RUNX1: variants seen among roughly 807,000 people sequenced by gnomAD.
The protein encoded by RUNX1 is RUNX family transcription factor 1.
A neutral mutation model predicts 42.8 loss-of-function variants in RUNX1; 19 were observed. The ratio of observed to expected loss-of-function variants is 0.44; its 90% CI spans 0.31 to 0.65. The LOEUF (loss-of-function observed/expected upper bound fraction) is 0.65. Ranked by LOEUF, RUNX1 falls within the 30% of genes least tolerant of loss-of-function variation. RUNX1 has a pLI of 0.07. For missense variants in RUNX1, 528 were observed against 672.0 expected (o/e 0.79, Z 2.37); for synonymous variants, 271 against 289.4 (o/e 0.94, Z 0.64).
intron 2 of RUNX1, among the ~76,000 whole-genome samples, chr21:34,939,725 A>G (rs1892687): frequency 0.58 from 88,576 of 152,116 alleles, 26,634 homozygotes; most frequent in African/African-American, 0.74. Flanking sequence ...AATAGCTTGT[A>G]GAAGCTGTTG....
rs566315020 is a variant in RUNX1 at position 34,987,219 on chromosome 21, C to T, written c.58+61623G>A. On this transcript the variant is annotated intron_variant, in intron 2 of 8. Transcript: ENST00000675419. ...GACAGTCAGGCTTTGTTCTGTGAATCATTGCTGAAAGATTCAATTAAATCT... is the reference window on the plus strand; with the variant it reads ...GACAGTCAGGCTTTGTTCTGTGAATTATTGCTGAAAGATTCAATTAAATCT... Among the ~76,000 whole-genome samples the T allele has an allele frequency of 3.2e-4, 48 of 152,342 alleles. No homozygotes were observed. The South Asian group carries it at 9.5e-3, about 30-fold the overall frequency.
At chr21:34,833,704 T>G (rs902402268) in intron 7 of RUNX1, 2 of 160,990 alleles carry the variant, frequency 1.2e-5, no homozygotes, top group Non-Finnish European at 2.8e-5. Context: ...GCATTTTGGA[T>G]TTTTGAAACG....
chr21:34,837,024 C>T (rs1053479755), intron 6 of RUNX1, among the ~76,000 whole-genome samples: 1 of 152,114 alleles, frequency 6.6e-6, no homozygotes, highest in South Asian at 2.1e-4. Flanking sequence ...TTTAATTAGT[C>T]CCCCTCATTA....
At chr21:35,044,272 T>C (rs1261944954) in intron 2 of RUNX1, among the ~76,000 whole-genome samples, 1 of 151,990 alleles carries the variant, frequency 6.6e-6, no homozygotes, top group Non-Finnish European at 1.5e-5. Context: ...CAACTTCCCC[T>C]CCCCCAACTC....
chr21:34,853,522 GC>G (rs1171055578), intron 6 of RUNX1, among the ~76,000 whole-genome samples: 4 of 152,162 alleles, frequency 2.6e-5, no homozygotes, highest in Non-Finnish European at 4.4e-5. Flanking sequence ...TAGTTTACAT[GC>G]TGGCTTACTA....
intron 6 of RUNX1, among the ~76,000 whole-genome samples, chr21:34,835,564 A>G (rs376492307): frequency 1.3e-5 from 2 of 152,164 alleles, no homozygotes; most frequent in African/African-American, 2.4e-5. Context: ...TTTTCTCAAA[A>G]TGTCCTTAAA....
intron 7 of RUNX1, among the ~76,000 whole-genome samples, chr21:34,801,611 C>T (rs1460093433): frequency 6.6e-6 from 1 of 152,152 alleles, no homozygotes; most frequent in Non-Finnish European, 1.5e-5. Flanking sequence ...AGATGGCAGT[C>T]AACACCCTGA....
intron 6 of RUNX1, among the ~76,000 whole-genome samples, chr21:34,852,733 T>C (rs891442764): frequency 1.3e-5 from 2 of 152,058 alleles, no homozygotes; most frequent in African/African-American, 4.8e-5. Context: ...GAGGAAGAAT[T>C]ACTTTCTAAT....
chr21:35,025,457 CA>C (rs2059228461), intron 2 of RUNX1, among the ~76,000 whole-genome samples: 1 of 152,178 alleles, frequency 6.6e-6, no homozygotes, highest in Non-Finnish European at 1.5e-5. Flanking sequence ...AAGAGAGAGC[CA>C]AGTTCCCCAA....
rs2057269803 is a variant in RUNX1 at position 34,843,341 on chromosome 21, C to T, written c.614-8740G>A. On this transcript the variant is annotated intron_variant, in intron 6 of 8. Coordinates refer to ENST00000675419, the MANE Select transcript of RUNX1 (RefSeq NM_001754.5). This position sits in a 1 kb window ranked among gnomAD's most constrained non-coding sequence, Gnocchi z 4.8. The stretch of plus-strand genomic sequence containing the variant: ...ATACACATACAGACACAAACCAGGA[C>T]AGACACATATATACAGACGCACACA... Among the ~76,000 whole-genome samples, 1 of 152,038 alleles carries T rather than the reference C, an allele frequency of 6.6e-6. No individual in the cohort carries two copies. The highest frequency in any genetic ancestry group is 2.4e-5 in the African/African-American group (1 of 41,354).
At chr21:35,022,741 A>T (rs899623751) in intron 2 of RUNX1, among the ~76,000 whole-genome samples, 2 of 151,978 alleles carry the variant, frequency 1.3e-5, no homozygotes, top group Non-Finnish European at 2.9e-5. Flanking sequence ...CTAAAAGTAC[A>T]AAAGCTAGTG....
intron 7 of RUNX1, among the ~76,000 whole-genome samples, chr21:34,815,871 C>T (rs371949462): frequency 7.9e-5 from 12 of 152,066 alleles, no homozygotes; most frequent in Admixed American, 1.3e-4. Flanking sequence ...AGAGTTTGGC[C>T]TCAGAGAGGG....
chr21:34,956,399 A>G (rs1448064165), intron 2 of RUNX1, among the ~76,000 whole-genome samples: 3 of 152,232 alleles, frequency 2.0e-5, no homozygotes, highest in African/African-American at 7.2e-5. Context: ...GAACAAGGAT[A>G]TAAGTAGACA....
chr21:34,800,303 T>G (rs892853632), intron 7 of RUNX1, among the ~76,000 whole-genome samples: 6 of 152,214 alleles, frequency 3.9e-5, no homozygotes, highest in African/African-American at 1.4e-4. Flanking sequence ...TGTTTGCAGA[T>G]GAAAAGGGGA....
chr21:34,988,569 C>T (rs1047525198), intron 2 of RUNX1, among the ~76,000 whole-genome samples: 3 of 151,770 alleles, frequency 2.0e-5, no homozygotes, highest in East Asian at 1.9e-4. Context: ...ATCTGCCAAA[C>T]TCATTCTTAC....
chr21:35,005,203 C>T (rs1462064788), intron 2 of RUNX1, among the ~76,000 whole-genome samples: 2 of 151,600 alleles, frequency 1.3e-5, no homozygotes, highest in African/African-American at 2.4e-5. Flanking sequence ...GATGAGGAAA[C>T]GGGAGAGATG....
Position 34,907,810 on chromosome 21 carries a change from T to C in RUNX1, c.59-14847A>G, listed in dbSNP as rs1299381389. On this transcript the variant is annotated intron_variant, in intron 2 of 8. Coordinates refer to ENST00000675419, the MANE Select transcript of RUNX1 (RefSeq NM_001754.5). This position sits in a 1 kb window ranked among gnomAD's most constrained non-coding sequence, Gnocchi z 5.3. ...AAGGCCATCCTTCTGTGGAATAGCA[T>C]TGGGTCATTTCGTTCAGAGGCGAAA... is the stretch of plus-strand genomic sequence containing the variant. Among the ~76,000 whole-genome samples, 1 of 152,212 alleles carries C rather than the reference T, an allele frequency of 6.6e-6. No individual in the cohort carries two copies. The highest frequency in any genetic ancestry group is 1.5e-5 in the Non-Finnish European group (1 of 68,020).
At chr21:34,798,609 A>T (rs75708523) in intron 8 of RUNX1, among the ~76,000 whole-genome samples, 5,370 of 152,016 alleles carry the variant, frequency 0.035, 111 homozygotes, top group African/African-American at 0.042. Flanking sequence ...AAATATTATT[A>T]AAAAAAAGGA....
chr21:34,931,909 C>T (rs926760674), intron 2 of RUNX1, among the ~76,000 whole-genome samples: 1 of 152,026 alleles, frequency 6.6e-6, no homozygotes, highest in South Asian at 2.1e-4. Context: ...ATTCCTTAGG[C>T]AGTGGGGAGT....
Sources: allele counts gnomAD v4.1 joint callset (sites outside exome capture counted in the v4.1 genomes callset), GRCh38; gene constraint gnomAD v4.1.1; non-coding constraint Gnocchi (gnomAD v3.1); transcripts MANE v1.5; gene names NCBI Gene and HGNC (gene_info 2026-07-23, HGNC 2026-07-21).